KLHL8: variants seen among roughly 807,000 people sequenced by gnomAD.
The protein encoded by KLHL8 is kelch-like protein 8.
In KLHL8, 38 loss-of-function variants were observed where a neutral mutation model predicts 63.5. The ratio of observed to expected loss-of-function variants is 0.60; its 90% CI spans 0.46 to 0.78. The LOEUF (loss-of-function observed/expected upper bound fraction) is 0.78. KLHL8 is among the 30% of genes least tolerant of loss of function. KLHL8 has a pLI of 0.00. For missense variants in KLHL8, 566 were observed against 752.4 expected (o/e 0.75, Z 2.90); for synonymous variants, 224 against 254.3 (o/e 0.88, Z 1.13).
chr4:87,206,001 C>T (rs897971631), intron 1 of KLHL8, among the ~76,000 whole-genome samples: 5 of 152,274 alleles, frequency 3.3e-5, no homozygotes, highest in African/African-American at 1.2e-4. Flanking sequence ...TTCTCCCTCA[C>T]TATACTTTTA....
intron 1 of KLHL8, among the ~76,000 whole-genome samples, chr4:87,203,470 C>A (rs1296099721): frequency 6.7e-6 from 1 of 149,940 alleles, no homozygotes; most frequent in Non-Finnish European, 1.5e-5. Context: ...GCGGAGCTTG[C>A]AGTGAGCCAA....
chr4:87,205,377 A>G (rs967693164), intron 1 of KLHL8, among the ~76,000 whole-genome samples: 5 of 151,402 alleles, frequency 3.3e-5, no homozygotes, highest in Non-Finnish European at 7.4e-5. Context: ...TCTGCACTCC[A>G]CCCGGGGTGA....
At chr4:87,200,656 G>A (rs1054263211) in intron 1 of KLHL8, among the ~76,000 whole-genome samples, 2 of 152,178 alleles carry the variant, frequency 1.3e-5, no homozygotes, top group African/African-American at 4.8e-5. Context: ...CAAGGACTTA[G>A]AGAAACTGGA....
intron 8 of KLHL8, among the ~76,000 whole-genome samples, chr4:87,164,580 T>C (rs565814792): frequency 6.6e-6 from 1 of 152,344 alleles, no homozygotes; most frequent in South Asian, 2.1e-4. Context: ...ATTACAGAAA[T>C]GGTGGACTAT....
chr4:87,225,889 A>C (rs1251358322), intron 1 of KLHL8, among the ~76,000 whole-genome samples: 1 of 151,864 alleles, frequency 6.6e-6, no homozygotes, highest in Non-Finnish European at 1.5e-5. Flanking sequence ...TTTTATTTTT[A>C]TTACTCCATC....
intron 1 of KLHL8, among the ~76,000 whole-genome samples, chr4:87,238,220 GT>G (rs1281799654): frequency 6.6e-6 from 1 of 152,080 alleles, no homozygotes; most frequent in Non-Finnish European, 1.5e-5. Context: ...AGGCGTGAAC[GT>G]CCACGCTCAG....
intron 2 of KLHL8, among the ~76,000 whole-genome samples, chr4:87,186,976 T>TAA (rs144905015): frequency 0.013 from 1,948 of 148,316 alleles, 40 homozygotes; most frequent in African/African-American, 0.045. Context: ...ATAAAAGCAG[T>TAA]AAAAAAAAAA....
At position 87,234,648 on chromosome 4, in the gene KLHL8, A is replaced by G. The variant is rs114959825; in HGVS notation, n.57+5610T>C. ...ATACTTGATAAGAAATGACTATGTT[A>G]CTGGTTTATTTACTATACTTTTTAT... On this transcript the variant is annotated intron_variant and non_coding_transcript_variant, in intron 1 of 1. Coordinates refer to the KLHL8 transcript ENST00000506274. Among the ~76,000 whole-genome samples the G allele has an allele frequency of 6.2e-3, 942 of 152,292 alleles. 11 individuals are homozygous for G. Among genetic ancestry groups the G allele is most frequent in the African/African-American group, 0.022 (901 of 41,550 alleles).
intron 1 of KLHL8, among the ~76,000 whole-genome samples, chr4:87,217,809 T>C (rs1022566550): frequency 6.6e-6 from 1 of 152,118 alleles, no homozygotes; most frequent in Admixed American, 6.5e-5. Context: ...TATACAAAAA[T>C]AAATGTGACT....
At chr4:87,163,828 A>C in intron 9 of KLHL8, 50 bp downstream of exon 9, 1 of 1,564,746 alleles carries the variant, frequency 6.4e-7, no homozygotes, top group Non-Finnish European at 8.8e-7. Context: ...GAAGTAATCT[A>C]CTATTATACC....
rs1004345962 is a variant in KLHL8 at position 87,161,337 on chromosome 4, C to T, written c.*2182G>A. On this transcript the variant is annotated 3_prime_UTR_variant, in exon 10 of 10. Coordinates refer to ENST00000273963, the MANE Select transcript of KLHL8 (RefSeq NM_020803.5). ...GGGATCACAGGCGTGAGCCACCATG[C>T]CTGGCCTATTTATCTTTTCATACTG... 2.0e-5 allele frequency: 3 copies of T among 152,286 alleles called. No individual in the cohort carries two copies. Among genetic ancestry groups the T allele is most frequent in the African/African-American group, 7.2e-5 (3 of 41,456 alleles). 9.4% of individuals were successfully genotyped at this position (152,286 alleles called of 1,614,324 possible). A position where few individuals can be genotyped will look rare whatever the true frequency, so the allele number is the denominator to read the frequency against.
intron 1 of KLHL8, among the ~76,000 whole-genome samples, chr4:87,234,291 T>C (rs1002519825): frequency 1.1e-4 from 17 of 152,174 alleles, no homozygotes; most frequent in African/African-American, 4.1e-4. Flanking sequence ...ATACAAAAAT[T>C]AGCTGGGCGT....
At chr4:87,207,198 T>C (rs190400248) in intron 1 of KLHL8, 86 of 571,246 alleles carry the variant, frequency 1.5e-4, no homozygotes, top group South Asian at 1.2e-3. Context: ...GACCGCTTCA[T>C]TGACCTCAAC....
chr4:87,185,620 C>CA lies in KLHL8; in HGVS notation c.395dup (p.Leu132PhefsTer4), dbSNP rs1227078989. On this transcript the variant is annotated frameshift_variant, in exon 3 of 10. Transcript: ENST00000273963. LOFTEE classifies it high-confidence loss of function. ...AGAGAGGCTGGACATTGTCAACAGT[C>CA]AAAGTGAGCCGTGAAGAATAGACAA... 1 of 1,614,212 alleles carries CA rather than the reference C, an allele frequency of 6.2e-7. No individual in the cohort carries two copies. The highest frequency in any genetic ancestry group is 1.3e-5 in the African/African-American group (1 of 75,058).
intron 1 of KLHL8, among the ~76,000 whole-genome samples, chr4:87,201,694 G>A (rs1481243738): frequency 6.6e-6 from 1 of 151,972 alleles, no homozygotes; most frequent in Non-Finnish European, 1.5e-5. Context: ...TGACCATAAC[G>A]GAATTAAACT....
chr4:87,198,374 T>G (rs144128856), intron 1 of KLHL8, among the ~76,000 whole-genome samples: 2 of 152,250 alleles, frequency 1.3e-5, no homozygotes, highest in South Asian at 4.1e-4. Flanking sequence ...CCCAAGCTCA[T>G]AGTTTGCTGA....
chr4:87,170,736 T>G, intron 6 of KLHL8, 121 bp from the exon 7 acceptor site: 1 of 883,176 alleles, frequency 1.1e-6, no homozygotes, highest in Middle Eastern at 2.7e-4. Flanking sequence ...ATAGTTTGTT[T>G]CCATTATTTT....
At chr4:87,178,190 T>G (rs1022872398) in intron 5 of KLHL8, among the ~76,000 whole-genome samples, 6 of 152,190 alleles carry the variant, frequency 3.9e-5, no homozygotes, top group Admixed American at 1.3e-4. Context: ...AGCTGATATG[T>G]AATTATAATT....
At chr4:87,218,305 T>G (rs1000101035) in intron 1 of KLHL8, among the ~76,000 whole-genome samples, 1 of 151,902 alleles carries the variant, frequency 6.6e-6, no homozygotes, top group African/African-American at 2.4e-5. Flanking sequence ...CTGCGTGATC[T>G]CAGCTCACTT....
Sources: allele counts gnomAD v4.1 joint callset (sites outside exome capture counted in the v4.1 genomes callset), GRCh38; gene constraint gnomAD v4.1.1; transcripts MANE v1.5; gene names NCBI Gene and HGNC (gene_info 2026-07-23, HGNC 2026-07-21).